The following ADGRL2 variants were observed in gnomAD, a reference collection of about 807,000 sequenced individuals.
ADGRL2 encodes adhesion G protein-coupled receptor L2, also known as calcium-independent alpha-latrotoxin receptor 2.
Under a neutral mutation model 157.4 loss-of-function variants are expected in ADGRL2, and 44 were observed. That is an observed-to-expected ratio of 0.28 (90% CI 0.22 to 0.36). ADGRL2 has a LOEUF of 0.36. Among genes scored for constraint, ADGRL2 ranks in the 10% least tolerant of loss-of-function variants. The pLI is 1.00. For missense variants in ADGRL2, 1,510 were observed against 1,768.9 expected (o/e 0.85, Z 2.63); for synonymous variants, 585 against 624.7 (o/e 0.94, Z 0.95).
At chr1:81,561,833 T>C (rs962249955) in intron 2 of ADGRL2, among the ~76,000 whole-genome samples, 21 of 152,186 alleles carry the variant, frequency 1.4e-4, no homozygotes, top group Non-Finnish European at 3.1e-4. Context: ...ATTACTGCTC[T>C]ATGTCCTGGC....
chr1:81,391,374 C>T (rs1005469913), intron 1 of ADGRL2, among the ~76,000 whole-genome samples: 1 of 152,290 alleles, frequency 6.6e-6, no homozygotes, highest in Non-Finnish European at 1.5e-5. Context: ...AATGTAAACA[C>T]TGAAAATATG....
intron 2 of ADGRL2, among the ~76,000 whole-genome samples, chr1:81,872,696 A>G (rs1048066774): frequency 1.6e-4 from 25 of 152,090 alleles, no homozygotes; most frequent in Non-Finnish European, 3.1e-4. Context: ...ATTATTTTAG[A>G]TCATTTTTTC....
At chr1:81,374,750 G>T (rs1018186332) in intron 1 of ADGRL2, among the ~76,000 whole-genome samples, 1 of 152,050 alleles carries the variant, frequency 6.6e-6, no homozygotes, top group Non-Finnish European at 1.5e-5. Flanking sequence ...GTCCATTGCC[G>T]CTCACATATC....
At chr1:81,876,636 A>C (rs2093848527) in intron 2 of ADGRL2, among the ~76,000 whole-genome samples, 1 of 152,170 alleles carries the variant, frequency 6.6e-6, no homozygotes, top group African/African-American at 2.4e-5. Context: ...TGTAGAAGTT[A>C]GGACTTTCTG....
chr1:81,473,572 G>A (rs1447541072), intron 2 of ADGRL2, among the ~76,000 whole-genome samples: 1 of 152,064 alleles, frequency 6.6e-6, no homozygotes, highest in Non-Finnish European at 1.5e-5. Context: ...TAATATATGT[G>A]GCTTGCATTA....
At position 81,397,509 on chromosome 1, in the gene ADGRL2, CG is replaced by C. The variant is rs933273327; in HGVS notation, c.-301-47523del. Among the ~76,000 whole-genome samples, 80 of 151,708 alleles carry C rather than the reference CG, an allele frequency of 5.3e-4. 1 individual carries two copies. The highest frequency in any genetic ancestry group is 8.1e-4 in the Non-Finnish European group (55 of 67,882). On this transcript the variant is annotated intron_variant, in intron 1 of 24. Transcript: ENST00000370721. ...TAATTTCTTGCATTTTTAGTAGAGA[CG>C]GGGTTTCACTGTGTTAGCCAGGATG... is the stretch of plus-strand genomic sequence containing the variant.
chr1:81,496,079 A>G (rs2078724018), intron 2 of ADGRL2, among the ~76,000 whole-genome samples: 1 of 152,192 alleles, frequency 6.6e-6, no homozygotes, highest in Admixed American at 6.6e-5. Flanking sequence ...TATTAAATAG[A>G]GAAGAGCTAG....
intron 1 of ADGRL2, among the ~76,000 whole-genome samples, chr1:81,809,764 G>T (rs1027688070): frequency 6.6e-6 from 1 of 151,880 alleles, no homozygotes; most frequent in Non-Finnish European, 1.5e-5. Context: ...AATACTTGTT[G>T]TTTATTGTTG....
At chr1:81,369,970 ACAGAGTGATGT>A (rs2076133884) in intron 1 of ADGRL2, among the ~76,000 whole-genome samples, 1 of 152,138 alleles carries the variant, frequency 6.6e-6, no homozygotes, top group Non-Finnish European at 1.5e-5. Context: ...TTTCTTCCTT[ACAGAGTGATGT>A]CATCAGTTAG....
intron 2 of ADGRL2, among the ~76,000 whole-genome samples, chr1:81,496,819 C>A (rs1217955573): frequency 6.9e-6 from 1 of 144,992 alleles, no homozygotes; most frequent in African/African-American, 2.6e-5. Flanking sequence ...AGATCAATTA[C>A]CCTGATGACA....
intron 1 of ADGRL2, among the ~76,000 whole-genome samples, chr1:81,720,372 G>C (rs549449580): frequency 2.0e-5 from 3 of 152,082 alleles, no homozygotes; most frequent in Non-Finnish European, 4.4e-5. Context: ...GTTTCACCAT[G>C]TTGCTCAGGC....
chr1:81,682,252 A>G (rs777216961), intron 3 of ADGRL2, among the ~76,000 whole-genome samples: 2 of 152,142 alleles, frequency 1.3e-5, no homozygotes, highest in Non-Finnish European at 2.9e-5. Flanking sequence ...TTGTTTTCTC[A>G]TGCAAGTTCT....
chr1:81,349,974 T>C (rs113175512), intron 1 of ADGRL2, among the ~76,000 whole-genome samples: 1 of 152,144 alleles, frequency 6.6e-6, no homozygotes, highest in African/African-American at 2.4e-5. Context: ...TTATCATTTT[T>C]TTTCCCCTGT....
intron 13 of ADGRL2, 149 bp downstream of exon 13, chr1:81,966,758 C>T (rs1657172207): frequency 1.4e-6 from 1 of 690,884 alleles, no homozygotes; most frequent in Non-Finnish European, 2.5e-6. Flanking sequence ...AAATGTTGGA[C>T]TAGGTCAGAG....
At chr1:81,517,849 T>C (rs1327758001) in intron 2 of ADGRL2, among the ~76,000 whole-genome samples, 1 of 152,216 alleles carries the variant, frequency 6.6e-6, no homozygotes, top group African/African-American at 2.4e-5. Context: ...TCAGCTAGCA[T>C]AGTTAGAGGG....
chr1:81,818,540 A>G (rs1487826429), intron 1 of ADGRL2, among the ~76,000 whole-genome samples: 2 of 152,100 alleles, frequency 1.3e-5, no homozygotes. Flanking sequence ...TGTTGATTGT[A>G]TTTTATTCTT....
chr1:81,342,660 CTT>C (rs1557611449), intron 1 of ADGRL2, among the ~76,000 whole-genome samples: 1 of 152,046 alleles, frequency 6.6e-6, no homozygotes, highest in African/African-American at 2.4e-5. Context: ...CATTAAGTAA[CTT>C]ATTTTTCTTA....
intron 3 of ADGRL2, among the ~76,000 whole-genome samples, chr1:81,634,239 C>T (rs1330126382): frequency 1.6e-4 from 24 of 152,142 alleles, no homozygotes; most frequent in Admixed American, 1.6e-3. Context: ...ATCTCTTGCC[C>T]AGACTACTAC....
chr1:81,694,962 T>C (rs982357808), upstream of ADGRL2, among the ~76,000 whole-genome samples: 1 of 152,200 alleles, frequency 6.6e-6, no homozygotes, highest in Non-Finnish European at 1.5e-5. Flanking sequence ...TTTGAATTGA[T>C]TATTTTTATT....
Sources: allele counts gnomAD v4.1 joint callset (sites outside exome capture counted in the v4.1 genomes callset), GRCh38; gene constraint gnomAD v4.1.1; transcripts MANE v1.5; gene names NCBI Gene and HGNC (gene_info 2026-07-23, HGNC 2026-07-21).